Variants in ADGRF1 observed in about 807,000 individuals in gnomAD.
ADGRF1 encodes the protein G protein-coupled receptor 110.
A neutral mutation model predicts 87.2 loss-of-function variants in ADGRF1; 85 were observed. That is an observed-to-expected ratio of 0.97 (90% CI 0.82 to 1.17). ADGRF1 has a LOEUF of 1.17. Ranked by LOEUF, ADGRF1 falls within the 50% of genes most tolerant of loss-of-function variation. ADGRF1 has a pLI of 0.00. For synonymous variants in ADGRF1, 430 were observed against 408.8 expected (o/e 1.05, Z -0.63); for missense variants, 1,169 against 1,077.2 (o/e 1.09, Z -1.19).
chr6:47,021,926 G>A (rs754934911), intron 6 of ADGRF1, 32 bp downstream of exon 6: 10 of 1,174,446 alleles, frequency 8.5e-6, no homozygotes, highest in Admixed American at 1.9e-5. Flanking sequence ...TGTAGCAAAC[G>A]ATTCCTTATA....
chr6:47,034,346 C>A (rs1375077834), intron 1 of ADGRF1, among the ~76,000 whole-genome samples: 1 of 152,194 alleles, frequency 6.6e-6, no homozygotes, highest in African/African-American at 2.4e-5. Context: ...CATCTTTATT[C>A]TTGTTTTCTC....
At chr6:47,015,574 C>CTATTTATTTATTTATTTATTTATT (rs374537407) in intron 8 of ADGRF1, among the ~76,000 whole-genome samples, 6 of 149,284 alleles carry the variant, frequency 4.0e-5, no homozygotes, top group African/African-American at 1.3e-4. Context: ...CGATGCCTGG[C>CTATTTATTTATTTATTTATTTATT]TATTTATTTA....
In ADGRF1 at chr6:47,007,159, C is replaced by T. The variant is rs893982926; in HGVS notation, c.2532+94G>A. 3 of 676,506 alleles carry T rather than the reference C, an allele frequency of 4.4e-6. No homozygotes were observed. The African/African-American group carries it at 5.5e-5, about 12-fold the overall frequency. 41.9% of individuals were successfully genotyped at this position (676,506 alleles called of 1,614,324 possible). On this transcript the variant is annotated intron_variant, in intron 12 of 14. Coordinates refer to ENST00000371253, the MANE Select transcript of ADGRF1 (RefSeq NM_153840.4). ...TTTATTACAAAAGTACCAATAGTCC[C>T]ACCTCTTATTATATGAATAAAGGCC...
chr6:47,008,999 C>T lies in ADGRF1; in HGVS notation c.2436G>A (p.Val812=), dbSNP rs74528568. The change falls in exon 11 of 15, where the codon GTG becomes GTA. Residue 812 remains valine, a synonymous_variant. Transcript: ENST00000371253. ...LTWGFGIGTI[V]DSQNLAWHVI... ...CATGCCAAGCCAGATTCTGGCTGTCCACTATTGTTCCTATTCCAAAGCCCC... is the reference window on the plus strand; with the variant it reads ...CATGCCAAGCCAGATTCTGGCTGTCTACTATTGTTCCTATTCCAAAGCCCC... 394 of 1,612,200 alleles carry T rather than the reference C, an allele frequency of 2.4e-4. 1 individual carries two copies. The African/African-American group carries it at 4.3e-3, about 18-fold the overall frequency.
intron 13 of ADGRF1, among the ~76,000 whole-genome samples, chr6:47,004,124 T>C (rs1020513777): frequency 1.3e-5 from 2 of 152,164 alleles, no homozygotes; most frequent in African/African-American, 2.4e-5. Flanking sequence ...ACTTCAACTC[T>C]AGCCTGTCAC....
chr6:47,010,205 G>A lies in ADGRF1; in HGVS notation c.1230C>T (p.Asn410=), dbSNP rs1352023836. 1.2e-6 allele frequency: 2 copies of A among 1,614,076 alleles called. No individual in the cohort carries two copies. The highest frequency in any genetic ancestry group is 8.5e-7 in the Non-Finnish European group (1 of 1,180,002). Residue 410 remains asparagine (N), a synonymous_variant, in exon 11 of 15, where the codon AAC becomes AAT. Coordinates refer to ENST00000371253, the MANE Select transcript of ADGRF1 (RefSeq NM_153840.4). ...ASSRLLETLE[N]ISTLVPPTAL... is the part of the protein sequence containing the mutation. ...CTGTCGGAGGCACCAGAGTGCTGAT[G>A]TTTTCTAATGTCTCTAGTAACCGTG...
intron 1 of ADGRF1, among the ~76,000 whole-genome samples, chr6:47,038,967 G>A (rs971041422): frequency 1.3e-5 from 2 of 152,312 alleles, no homozygotes; most frequent in Admixed American, 6.5e-5. Flanking sequence ...GGTGTTCATG[G>A]AAAATATAAT....
intron 1 of ADGRF1, among the ~76,000 whole-genome samples, chr6:47,035,871 G>T (rs544768944): frequency 2.2e-3 from 329 of 152,312 alleles, no homozygotes; most frequent in Non-Finnish European, 2.5e-3. Context: ...TGAACGTAAA[G>T]ATGGAAACAA....
At chr6:47,020,600 A>G (rs1780018608) in intron 7 of ADGRF1, 131 bp downstream of exon 7, 2 of 1,531,066 alleles carry the variant, frequency 1.3e-6, no homozygotes, top group Admixed American at 4.3e-5. Flanking sequence ...TTGTTCACTT[A>G]GTAAAAATCC....
chr6:47,038,867 G>T (rs1780663138), intron 1 of ADGRF1, among the ~76,000 whole-genome samples: 1 of 152,160 alleles, frequency 6.6e-6, no homozygotes, highest in Non-Finnish European at 1.5e-5. Context: ...TGTCTTATCA[G>T]AAATAATTAG....
chr6:47,007,314 A>G lies in ADGRF1; in HGVS notation c.2491-20T>C. ...AAATCCCTTTAAAAAGAAAGGAATA[A>G]ATCACATGTATTGTATTTTTCTTTT... On this transcript the variant is annotated intron_variant, in intron 11 of 14. Transcript: ENST00000371253. The G allele has an allele frequency of 7.2e-7, 1 of 1,398,276 alleles. No homozygotes were observed. The highest frequency in any genetic ancestry group is 1.0e-6 in the Non-Finnish European group (1 of 987,084). The allele number at this position is 1,398,276 out of a possible 1,614,324, so 86.6% of individuals were successfully genotyped here.
chr6:47,025,777 A>G (rs946930258), intron 4 of ADGRF1, 77 bp downstream of exon 4: 19 of 1,305,268 alleles, frequency 1.5e-5, no homozygotes, highest in Admixed American at 1.4e-4. Context: ...GATTGTTTCC[A>G]CAGCATAACC....
chr6:47,021,791 A>G (rs1780061578), intron 6 of ADGRF1, among the ~76,000 whole-genome samples, 167 bp downstream of exon 6: 1 of 152,246 alleles, frequency 6.6e-6, no homozygotes, highest in African/African-American at 2.4e-5. Flanking sequence ...TCCTAGAAAG[A>G]AGATACTCAG....
chr6:47,015,603 T>G (rs1332434977), intron 8 of ADGRF1, among the ~76,000 whole-genome samples: 1 of 151,842 alleles, frequency 6.6e-6, no homozygotes, highest in Non-Finnish European at 1.5e-5. Flanking sequence ...TTTATTTATT[T>G]TTGTAACAGA....
intron 7 of ADGRF1, chr6:47,019,740 A>T: frequency 2.0e-6 from 2 of 982,536 alleles, no homozygotes; most frequent in Non-Finnish European, 2.4e-6. Flanking sequence ...GGGTGTTTTT[A>T]AGTTAACTGT....
intron 13 of ADGRF1, among the ~76,000 whole-genome samples, chr6:47,005,024 C>G (rs929075241): frequency 6.6e-6 from 1 of 152,116 alleles, no homozygotes; most frequent in African/African-American, 2.4e-5. Flanking sequence ...TATATTGTCA[C>G]TTGTAAAAAT....
At chr6:47,022,228 A>T (rs1418205375) in intron 5 of ADGRF1, among the ~76,000 whole-genome samples, 170 bp from the exon 6 acceptor site, 1 of 152,244 alleles carries the variant, frequency 6.6e-6, no homozygotes, top group Non-Finnish European at 1.5e-5. Flanking sequence ...ACATAAAAGC[A>T]GAGTTTCTGA....
At chr6:47,033,584 C>T (rs928992124) in intron 1 of ADGRF1, among the ~76,000 whole-genome samples, 3 of 152,366 alleles carry the variant, frequency 2.0e-5, no homozygotes, top group Middle Eastern at 3.4e-3. Context: ...CTTTCCTGTC[C>T]GTCTTGGCCT....
chr6:47,015,731 G>C (rs1443561676), intron 8 of ADGRF1, among the ~76,000 whole-genome samples: 1 of 151,266 alleles, frequency 6.6e-6, no homozygotes, highest in Non-Finnish European at 1.5e-5. Context: ...GGGATTACAG[G>C]TGTGTGCCAC....
Sources: allele counts gnomAD v4.1 joint callset (sites outside exome capture counted in the v4.1 genomes callset), GRCh38; gene constraint gnomAD v4.1.1; transcripts MANE v1.5; gene names NCBI Gene and HGNC (gene_info 2026-07-23, HGNC 2026-07-21).